Variants in BCORL1 observed in about 807,000 individuals in gnomAD.
BCORL1 encodes BCL-6 corepressor-like protein 1.
In BCORL1, 7 loss-of-function variants were observed where a neutral mutation model predicts 87.6. The observed-to-expected ratio is 0.08, with a 90% CI of 0.05 to 0.15. BCORL1 has a LOEUF of 0.15. Ranked by LOEUF, BCORL1 falls within the 10% of genes least tolerant of loss-of-function variation. The pLI is 1.00. For synonymous variants in BCORL1, 591 were observed against 634.4 expected (o/e 0.93, Z 1.03); for missense variants, 1,215 against 1,499.7 (o/e 0.81, Z 3.13).
chrX:129,999,824 C>T (rs1927899783), intron 1 of BCORL1, among the ~76,000 whole-genome samples: 1 of 109,741 alleles, frequency 9.1e-6, no homozygotes, highest in Non-Finnish European at 1.9e-5. Context: ...CAGGTGCCTG[C>T]CACCACGCTC....
intron 5 of BCORL1, among the ~76,000 whole-genome samples, chrX:130,021,946 C>T (rs1458802450): frequency 8.9e-6 from 1 of 111,985 alleles, no homozygotes; most frequent in Non-Finnish European, 1.9e-5. Context: ...TGCCATTACA[C>T]CTGGCTAATG....
chrX:130,022,792 ACT>A (rs1361802277), intron 5 of BCORL1, 103 bp from the exon 6 acceptor site: 1 of 701,847 alleles, frequency 1.4e-6, no homozygotes, highest in African/African-American at 2.1e-5. Context: ...GTAAACACAA[ACT>A]CTTTCTCAAT....
At chrX:130,002,025 G>A (rs1229046535) in intron 1 of BCORL1, among the ~76,000 whole-genome samples, 2 of 110,689 alleles carry the variant, frequency 1.8e-5, no homozygotes, top group Non-Finnish European at 3.8e-5. Flanking sequence ...CAAGGCTGGA[G>A]ATGGCATTAT....
chrX:130,029,086 T>G (rs990263425), intron 8 of BCORL1, among the ~76,000 whole-genome samples: 3 of 112,126 alleles, frequency 2.7e-5, no homozygotes, highest in Non-Finnish European at 5.6e-5. Context: ...CTTTAGATTT[T>G]CTTTGAGTTA....
At chrX:129,983,288 A>C (rs1185732240) in intron 1 of BCORL1, among the ~76,000 whole-genome samples, 1 of 109,045 alleles carries the variant, frequency 9.2e-6, no homozygotes, top group Non-Finnish European at 1.9e-5. Context: ...GGGGGAAACC[A>C]TAGGAATTAC....
intron 1 of BCORL1, among the ~76,000 whole-genome samples, chrX:129,985,931 C>T (rs1334070967): frequency 9.1e-6 from 1 of 110,458 alleles, no homozygotes; most frequent in East Asian, 2.8e-4. Context: ...CTCACTGTAA[C>T]CTCCGCCTCC....
At chrX:130,021,429 G>A (rs1929807022) in intron 5 of BCORL1, 1 of 279,032 alleles carries the variant, frequency 3.6e-6, no homozygotes, top group Non-Finnish European at 4.9e-6. Flanking sequence ...CCATTTCCCC[G>A]CGATGGGTCT....
chrX:130,022,806 T>C, intron 5 of BCORL1, 91 bp from the exon 6 acceptor site: 1 of 788,923 alleles, frequency 1.3e-6, no homozygotes, highest in East Asian at 3.1e-5. Context: ...TTTCTCAATC[T>C]TTCCCCCGAG....
At chrX:129,981,440 C>T (rs1464895928), upstream of BCORL1, 1 of 110,701 alleles carries the variant, frequency 9.0e-6, no homozygotes, top group Non-Finnish European at 1.9e-5. Context: ...CGCTTCGAGT[C>T]GCATGGACAT....
chrX:130,051,080 C>A (rs1932043652), intron 12 of BCORL1, among the ~76,000 whole-genome samples: 1 of 112,213 alleles, frequency 8.9e-6, no homozygotes, highest in Non-Finnish European at 1.9e-5. Flanking sequence ...TTTGTCTTAA[C>A]CCTGCCAGAA....
At chrX:129,984,795 G>C (rs1926466329) in intron 1 of BCORL1, among the ~76,000 whole-genome samples, 1 of 111,973 alleles carries the variant, frequency 8.9e-6, no homozygotes, top group African/African-American at 3.2e-5. Context: ...TATTCCGCTC[G>C]CACCTCCTCC....
chrX:129,999,689 C>CA (rs998111960), intron 1 of BCORL1, among the ~76,000 whole-genome samples: 1 of 102,656 alleles, frequency 9.7e-6, no homozygotes, highest in African/African-American at 3.6e-5. Flanking sequence ...CTTTTTCCCC[C>CA]CCCCCAGACA....
At chrX:129,995,009 CT>C (rs753903771) in intron 1 of BCORL1, among the ~76,000 whole-genome samples, 73 of 103,667 alleles carry the variant, frequency 7.0e-4, no homozygotes, top group Admixed American at 1.5e-3. Flanking sequence ...TATGGGACTT[CT>C]TTTTTTTTTT....
intron 11 of BCORL1, among the ~76,000 whole-genome samples, chrX:130,042,758 G>C (rs1931412111): frequency 9.0e-6 from 1 of 111,292 alleles, no homozygotes; most frequent in African/African-American, 3.3e-5. Context: ...GATCACTTGA[G>C]GTCAGGAACT....
intron 9 of BCORL1, among the ~76,000 whole-genome samples, chrX:130,035,312 A>G (rs1464725290): frequency 8.9e-6 from 1 of 112,378 alleles, no homozygotes. Flanking sequence ...ACTACTACGC[A>G]TATGAGTCTG....
chrX:130,016,834 C>G (rs1344045797), intron 4 of BCORL1, among the ~76,000 whole-genome samples: 1 of 111,618 alleles, frequency 9.0e-6, no homozygotes, highest in Non-Finnish European at 1.9e-5. Flanking sequence ...TTGGTCTTGA[C>G]AGGCTATGGA....
chrX:130,008,426 G>A (rs907726606), intron 2 of BCORL1, among the ~76,000 whole-genome samples: 10 of 110,743 alleles, frequency 9.0e-5, no homozygotes, highest in African/African-American at 3.0e-4. Flanking sequence ...ACCACACCCG[G>A]CTAATTTTGT....
intron 3 of BCORL1, 78 bp from the exon 4 acceptor site, chrX:130,012,872 G>A (rs1929071863): frequency 8.7e-7 from 1 of 1,143,647 alleles, no homozygotes; most frequent in Non-Finnish European, 1.2e-6. Flanking sequence ...AAGACCAGCA[G>A]TTGCCTCTCG....
intron 1 of BCORL1, among the ~76,000 whole-genome samples, chrX:129,988,998 C>A (rs896190122): frequency 3.6e-5 from 4 of 111,616 alleles, no homozygotes; most frequent in Non-Finnish European, 7.5e-5. Flanking sequence ...TGTACCACAC[C>A]CCAGTTAGTA....
Sources: allele counts gnomAD v4.1 joint callset (sites outside exome capture counted in the v4.1 genomes callset), GRCh38; gene constraint gnomAD v4.1.1; transcripts MANE v1.5; gene names NCBI Gene and HGNC (gene_info 2026-07-23, HGNC 2026-07-21).